The following SIPA1L3 variants were observed in gnomAD, a reference collection of about 807,000 sequenced individuals.
The protein encoded by SIPA1L3 is signal induced proliferation associated 1 like 3.
In SIPA1L3, 59 loss-of-function variants were observed where a neutral mutation model predicts 150.1. The observed-to-expected ratio is 0.39, with a 90% CI of 0.32 to 0.49. The LOEUF (loss-of-function observed/expected upper bound fraction) is 0.49. SIPA1L3 is among the 20% of genes least tolerant of loss of function. The pLI, the probability that SIPA1L3 is intolerant of heterozygous loss-of-function variation, is 0.86. For missense variants in SIPA1L3, 2,211 were observed against 2,489.5 expected (o/e 0.89, Z 2.38); for synonymous variants, 1,070 against 1,077.6 (o/e 0.99, Z 0.14).
At chr19:37,939,599 G>A (rs2046634422) in intron 1 of SIPA1L3, among the ~76,000 whole-genome samples, 1 of 152,120 alleles carries the variant, frequency 6.6e-6, no homozygotes, top group Non-Finnish European at 1.5e-5. Context: ...CCACCTCATG[G>A]TATGAGACAG....
chr19:38,182,705 C>T lies in SIPA1L3; in HGVS notation c.4395C>T (p.Pro1465=). 6.2e-7 allele frequency: 1 copy of T among 1,613,852 alleles called. No individual in the cohort carries two copies. Among genetic ancestry groups the T allele is most frequent in the Non-Finnish European group, 8.5e-7 (1 of 1,179,872 alleles). The change falls in exon 16 of 22, where the codon CCC becomes CCT. Residue 1465 remains proline (P), a synonymous_variant. Coordinates refer to ENST00000222345, the MANE Select transcript of SIPA1L3 (RefSeq NM_015073.3). ...CAGGGTGGAAGAGAACGGAGGAGCC[C>T]CCACCACGGCCACTCCCCTTCAGTG... ...HPTGWKRTEE[P]PPRPLPFSDP...
chr19:38,028,467 G>A (rs1413772476), intron 1 of SIPA1L3, among the ~76,000 whole-genome samples: 4 of 151,958 alleles, frequency 2.6e-5, no homozygotes, highest in East Asian at 1.9e-4. Context: ...CTGTCCCCTC[G>A]TCCGGGAGGC....
chr19:38,100,353 G>C (rs528780927), intron 5 of SIPA1L3, among the ~76,000 whole-genome samples: 25 of 152,324 alleles, frequency 1.6e-4, no homozygotes, highest in African/African-American at 6.0e-4. Context: ...CTAAAGGAGG[G>C]AGATTGTCTG....
At chr19:38,137,492 AT>A (rs57123423) in intron 10 of SIPA1L3, among the ~76,000 whole-genome samples, 59,205 of 147,398 alleles carry the variant, frequency 0.4, 11,986 homozygotes, top group East Asian at 0.64. Context: ...CCTGGCCCAT[AT>A]TTTTTTTTTT....
intron 1 of SIPA1L3, among the ~76,000 whole-genome samples, chr19:37,941,420 C>T (rs2046656471): frequency 6.7e-6 from 1 of 149,268 alleles, no homozygotes; most frequent in South Asian, 2.1e-4. Context: ...GACTATTGAA[C>T]AATTGGGCTG....
intron 12 of SIPA1L3, among the ~76,000 whole-genome samples, chr19:38,144,940 C>G (rs1205545224): frequency 6.6e-6 from 1 of 152,052 alleles, no homozygotes; most frequent in South Asian, 2.1e-4. Flanking sequence ...TCATTCCAAA[C>G]AGAGTAAAGG....
chr19:37,993,417 C>T (rs1272930607), intron 1 of SIPA1L3, among the ~76,000 whole-genome samples: 1 of 152,086 alleles, frequency 6.6e-6, no homozygotes, highest in East Asian at 1.9e-4. Flanking sequence ...CTGCAACCTC[C>T]GCCTCCTGGG....
At position 38,047,520 on chromosome 19, in the gene SIPA1L3, T is replaced by A. The variant is rs985912009; in HGVS notation, c.-311+18364T>A. Among the ~76,000 whole-genome samples the A allele has an allele frequency of 7.2e-5, 11 of 152,144 alleles. No individual in the cohort carries two copies. Among genetic ancestry groups the A allele is most frequent in the African/African-American group, 2.7e-4 (11 of 41,414 alleles). On this transcript the variant is annotated intron_variant, in intron 2 of 21. Transcript: ENST00000222345. This position sits in a 1 kb window ranked among gnomAD's most constrained non-coding sequence, Gnocchi z 4.7. Reference sequence around the variant, plus strand: ...CATGGCCAGTGACACAATGTCTCACTGGGTAGGTTTGTGTTATTTTTTCCT... The same window carrying A: ...CATGGCCAGTGACACAATGTCTCACAGGGTAGGTTTGTGTTATTTTTTCCT...
chr19:38,117,324 A>G (rs1970909707), intron 8 of SIPA1L3, among the ~76,000 whole-genome samples: 1 of 152,086 alleles, frequency 6.6e-6, no homozygotes, highest in Non-Finnish European at 1.5e-5. Flanking sequence ...TCGCTGCTAT[A>G]AGGATCACCT....
intron 1 of SIPA1L3, among the ~76,000 whole-genome samples, chr19:38,006,236 G>A (rs745607496): frequency 7.9e-5 from 12 of 152,060 alleles, no homozygotes; most frequent in African/African-American, 2.9e-4. Flanking sequence ...AGAGCCTGAG[G>A]TGGGGTAGAG....
chr19:38,123,563 G>A (rs1971080280), intron 9 of SIPA1L3, among the ~76,000 whole-genome samples: 1 of 147,420 alleles, frequency 6.8e-6, no homozygotes, highest in Non-Finnish European at 1.5e-5. Context: ...ACATGTTTCA[G>A]AGAGCACAGG....
intron 1 of SIPA1L3, among the ~76,000 whole-genome samples, chr19:37,961,373 GT>G (rs1019152831): frequency 6.6e-6 from 1 of 150,714 alleles, no homozygotes. Flanking sequence ...TTATTTGACA[GT>G]TTTTTTTTCT....
chr19:38,204,398 A>T (rs1361737357), intron 21 of SIPA1L3, among the ~76,000 whole-genome samples, 190 bp downstream of exon 21: 1 of 152,108 alleles, frequency 6.6e-6, no homozygotes, highest in Non-Finnish European at 1.5e-5. Context: ...AGAGAAACTC[A>T]TCCATTCTTG....
At chr19:37,927,664 TG>T (rs2046517130) in intron 1 of SIPA1L3, among the ~76,000 whole-genome samples, 1 of 142,858 alleles carries the variant, frequency 7.0e-6, no homozygotes, top group East Asian at 2.0e-4. Context: ...GGTGTGTGTG[TG>T]TGTGTGTGTG....
chr19:38,050,386 G>A (rs899268622), intron 2 of SIPA1L3, among the ~76,000 whole-genome samples: 2 of 137,152 alleles, frequency 1.5e-5, no homozygotes, highest in African/African-American at 6.4e-5. Context: ...AACCCAGGAG[G>A]CAAAGGTTGA....
intron 1 of SIPA1L3, among the ~76,000 whole-genome samples, chr19:37,977,267 C>T (rs571082263): frequency 2.0e-5 from 3 of 152,078 alleles, no homozygotes; most frequent in South Asian, 2.1e-4. Context: ...TGGGTTCAGG[C>T]GATTCTTCTG....
chr19:38,199,810 A>G (rs998055483), intron 19 of SIPA1L3: 1 of 152,058 alleles, frequency 6.6e-6, no homozygotes, highest in Non-Finnish European at 1.5e-5. Context: ...AGGAATTCTC[A>G]TTAACTTTGG....
intron 1 of SIPA1L3, among the ~76,000 whole-genome samples, chr19:37,970,582 G>A (rs1016776439): frequency 2.0e-5 from 3 of 152,152 alleles, no homozygotes; most frequent in Admixed American, 6.5e-5. Context: ...AAAGCCATCC[G>A]TTCAGCTTCT....
Position 38,046,493 on chromosome 19 carries a change from G to A in SIPA1L3, c.-311+17337G>A, listed in dbSNP as rs1969060169. 6.6e-6 allele frequency among the ~76,000 whole-genome samples: 1 copy of A among 152,180 alleles called. No individual in the cohort carries two copies. The highest frequency in any genetic ancestry group is 6.5e-5 in the Admixed American group (1 of 15,280). ...TGCTTCTCTCGGTTCCCTGTTCTGG[G>A]CCCTGCCCTGGAAAGAGGCAGGGTG... On this transcript the variant is annotated intron_variant, in intron 2 of 21. Coordinates refer to ENST00000222345, the MANE Select transcript of SIPA1L3 (RefSeq NM_015073.3). This position sits in a 1 kb window ranked among gnomAD's most constrained non-coding sequence, Gnocchi z 5.6.
Sources: allele counts gnomAD v4.1 joint callset (sites outside exome capture counted in the v4.1 genomes callset), GRCh38; gene constraint gnomAD v4.1.1; non-coding constraint Gnocchi (gnomAD v3.1); transcripts MANE v1.5; gene names NCBI Gene and HGNC (gene_info 2026-07-23, HGNC 2026-07-21).